The following PINX1 variants were observed in gnomAD, a reference collection of about 807,000 sequenced individuals.
PINX1 encodes PIN2 (TERF1) interacting telomerase inhibitor 1.
Under a neutral mutation model 25.4 loss-of-function variants are expected in PINX1, and 34 were observed. The observed-to-expected ratio is 1.34, with a 90% CI of 1.02 to 1.78. The LOEUF (loss-of-function observed/expected upper bound fraction) is 1.78. PINX1 is among the 40% of genes most tolerant of loss of function. PINX1 has a pLI of 0.00. For synonymous variants in PINX1, 197 were observed against 147.7 expected, an observed-to-expected ratio of 1.33 and a Z score of -2.42; for missense variants, 592 against 404.9, an observed-to-expected ratio of 1.46 and a Z score of -3.97.
chr8:10,823,992 G>A (rs1486874814), intron 5 of PINX1, among the ~76,000 whole-genome samples: 2 of 152,146 alleles, frequency 1.3e-5, no homozygotes, highest in Non-Finnish European at 2.9e-5. Flanking sequence ...TACATGAGTT[G>A]CAATATGAAT....
At chr8:10,827,147 T>C (rs1403438079) in intron 4 of PINX1, among the ~76,000 whole-genome samples, 1 of 152,228 alleles carries the variant, frequency 6.6e-6, no homozygotes, top group African/African-American at 2.4e-5. Context: ...CTGAATTATT[T>C]TGCGAATTCC....
chr8:10,774,018 T>A (rs1339983768), intron 6 of PINX1, among the ~76,000 whole-genome samples: 2 of 152,196 alleles, frequency 1.3e-5, no homozygotes, highest in African/African-American at 4.8e-5. Flanking sequence ...CATTTTATAA[T>A]TCCAGGTCAA....
At chr8:10,778,656 G>A (rs558462840) in intron 6 of PINX1, among the ~76,000 whole-genome samples, 5 of 152,244 alleles carry the variant, frequency 3.3e-5, no homozygotes, top group South Asian at 4.1e-4. Context: ...ACACGTGGCC[G>A]CTGTTAAACT....
At chr8:10,791,860 G>A (rs927034595) in intron 6 of PINX1, among the ~76,000 whole-genome samples, 3 of 152,202 alleles carry the variant, frequency 2.0e-5, no homozygotes, top group Admixed American at 6.5e-5. Context: ...GCCTGGGAGC[G>A]GGGAGACATC....
chr8:10,812,668 T>C (rs536758281), intron 6 of PINX1, among the ~76,000 whole-genome samples: 3 of 152,358 alleles, frequency 2.0e-5, no homozygotes, highest in South Asian at 4.1e-4. Flanking sequence ...CCACTGTCCC[T>C]GAAGGCAATT....
chr8:10,803,277 G>A (rs746581243), intron 6 of PINX1, among the ~76,000 whole-genome samples: 4 of 152,212 alleles, frequency 2.6e-5, no homozygotes, highest in African/African-American at 4.8e-5. Context: ...TAAAAAGTAC[G>A]GAAATTTCCT....
chr8:10,825,345 G>C (rs374366461), intron 5 of PINX1: 3 of 534,578 alleles, frequency 5.6e-6, no homozygotes, highest in Non-Finnish European at 1.2e-5. Flanking sequence ...AACCTCCCAG[G>C]AAAGAACCAT....
At chr8:10,802,371 A>C (rs1046621284) in intron 6 of PINX1, among the ~76,000 whole-genome samples, 5 of 152,190 alleles carry the variant, frequency 3.3e-5, no homozygotes, top group Admixed American at 3.3e-4. Context: ...ACTTCACCCC[A>C]CAGACAAGAA....
At chr8:10,795,262 A>T (rs1431021009) in intron 6 of PINX1, among the ~76,000 whole-genome samples, 1 of 152,164 alleles carries the variant, frequency 6.6e-6, no homozygotes, top group Admixed American at 6.5e-5. Context: ...AATGTCTTTG[A>T]CCTGGCTACA....
At chr8:10,832,116 C>G (rs575046839) in intron 3 of PINX1, among the ~76,000 whole-genome samples, 1 of 151,350 alleles carries the variant, frequency 6.6e-6, no homozygotes, top group African/African-American at 2.4e-5. Context: ...AGGACAAGAA[C>G]CATGCGGGAC....
At chr8:10,767,408 T>TC (rs1554482404) in intron 6 of PINX1, among the ~76,000 whole-genome samples, 1 of 147,048 alleles carries the variant, frequency 6.8e-6, no homozygotes, top group Non-Finnish European at 1.5e-5. Context: ...AGGGGTACAT[T>TC]AAAAAAAAAA....
intron 6 of PINX1, among the ~76,000 whole-genome samples, chr8:10,812,175 C>T (rs975836812): frequency 6.6e-6 from 1 of 152,216 alleles, no homozygotes. Context: ...TCTATTTGAT[C>T]TCTTGTTTGG....
At chr8:10,826,420 G>C (rs969276579) in intron 4 of PINX1, among the ~76,000 whole-genome samples, 176 bp from the exon 5 acceptor site, 1 of 152,160 alleles carries the variant, frequency 6.6e-6, no homozygotes, top group African/African-American at 2.4e-5. Context: ...TTCTTTCTAG[G>C]AGTCAAATGA....
intron 6 of PINX1, among the ~76,000 whole-genome samples, chr8:10,810,182 G>C (rs1258585623): frequency 6.6e-6 from 1 of 152,200 alleles, no homozygotes; most frequent in Non-Finnish European, 1.5e-5. Context: ...CGACACTGGG[G>C]ATTACAATTC....
At chr8:10,796,405 C>T (rs1409191800) in intron 6 of PINX1, among the ~76,000 whole-genome samples, 1 of 152,086 alleles carries the variant, frequency 6.6e-6, no homozygotes, top group Non-Finnish European at 1.5e-5. Flanking sequence ...TTCTACCTCT[C>T]GTATCCAGCC....
chr8:10,812,946 T>A (rs1000100858), intron 6 of PINX1, among the ~76,000 whole-genome samples: 1 of 152,218 alleles, frequency 6.6e-6, no homozygotes, highest in Non-Finnish European at 1.5e-5. Flanking sequence ...TGCTAGCAAA[T>A]TAGATCTTTC....
intron 5 of PINX1, among the ~76,000 whole-genome samples, chr8:10,821,601 C>T (rs932337176): frequency 9.9e-5 from 15 of 152,236 alleles, no homozygotes; most frequent in Middle Eastern, 3.4e-3. Context: ...GAAAATGAAC[C>T]GGGAAAGTGG....
At chr8:10,806,415 C>G (rs1208252019) in intron 6 of PINX1, among the ~76,000 whole-genome samples, 1 of 152,032 alleles carries the variant, frequency 6.6e-6, no homozygotes, top group Admixed American at 6.5e-5. Context: ...TTTGTGTTTT[C>G]TGTTTGTGTT....
At chr8:10,824,344 C>A (rs893486289) in intron 5 of PINX1, among the ~76,000 whole-genome samples, 20 of 152,144 alleles carry the variant, frequency 1.3e-4, no homozygotes, top group African/African-American at 4.8e-4. Context: ...CATTCTTTTC[C>A]TCACTCCCTG....
Sources: gnomAD v4.1 joint callset for allele counts (sites outside exome capture counted in the v4.1 genomes callset) on GRCh38, gnomAD v4.1.1 for gene constraint, MANE v1.5 for transcripts, NCBI Gene and HGNC (gene_info 2026-07-23, HGNC 2026-07-21) for gene names.